RALYL: variants seen among roughly 807,000 people sequenced by gnomAD.
RALYL encodes the protein RALY RNA binding protein like, also known as RNA-binding Raly-like protein.
RALYL carries 29 observed loss-of-function variants against 35.1 expected under a neutral mutation model. The observed-to-expected ratio is 0.83, with a 90% CI of 0.61 to 1.13. The LOEUF (loss-of-function observed/expected upper bound fraction) is 1.13, where lower values mean the gene tolerates loss of function less well. RALYL is among the 50% of genes most tolerant of loss of function. The pLI, the probability that RALYL is intolerant of heterozygous loss-of-function variation, is 0.00. For synonymous variants in RALYL, 120 were observed against 127.6 expected (o/e 0.94, Z 0.40); for missense variants, 359 against 360.4 (o/e 1.00, Z 0.03).
At chr8:84,490,654 AT>A (rs1167481098) in intron 1 of RALYL, among the ~76,000 whole-genome samples, 1 of 151,756 alleles carries the variant, frequency 6.6e-6, no homozygotes, top group African/African-American at 2.4e-5. Context: ...GGAAGTGGGC[AT>A]TTCCAAGAAT....
chr8:84,220,043 TTC>T (rs1182215757), intron 1 of RALYL, among the ~76,000 whole-genome samples: 2 of 152,060 alleles, frequency 1.3e-5, no homozygotes, highest in African/African-American at 4.8e-5. Flanking sequence ...TCAATGAATG[TTC>T]TACTAGGGTA....
intron 1 of RALYL, among the ~76,000 whole-genome samples, chr8:84,455,548 T>C (rs1293062942): frequency 1.3e-5 from 2 of 152,062 alleles, no homozygotes; most frequent in African/African-American, 4.8e-5. Context: ...GGATTCTGTT[T>C]TCTTCATATC....
At chr8:84,712,626 T>C (rs901918845) in intron 2 of RALYL, among the ~76,000 whole-genome samples, 13 of 152,268 alleles carry the variant, frequency 8.5e-5, no homozygotes, top group Middle Eastern at 6.8e-3. Flanking sequence ...TCTTTTAATT[T>C]CTCTTCTAAG....
chr8:84,266,861 G>C (rs955347187), intron 1 of RALYL, among the ~76,000 whole-genome samples: 2 of 151,296 alleles, frequency 1.3e-5, no homozygotes. Flanking sequence ...TCGGGAGGCT[G>C]AGGCAGGAGA....
intron 1 of RALYL, among the ~76,000 whole-genome samples, chr8:84,362,041 T>C (rs547070813): frequency 1.3e-5 from 2 of 151,944 alleles, no homozygotes; most frequent in African/African-American, 4.8e-5. Flanking sequence ...CTGTACCTGA[T>C]ATGCAGTAGA....
intron 1 of RALYL, among the ~76,000 whole-genome samples, chr8:84,458,179 T>C (rs1285900981): frequency 1.3e-5 from 2 of 151,890 alleles, no homozygotes; most frequent in Non-Finnish European, 2.9e-5. Context: ...CAACTTCATC[T>C]GTACTTTGCT....
chr8:84,789,762 G>C (rs1384415216), intron 3 of RALYL, among the ~76,000 whole-genome samples: 2 of 152,154 alleles, frequency 1.3e-5, no homozygotes, highest in Non-Finnish European at 2.9e-5. Context: ...GAAGGCTGAG[G>C]TGGGAGGATC....
At chr8:84,649,078 A>C (rs1828121803) in intron 2 of RALYL, among the ~76,000 whole-genome samples, 1 of 152,034 alleles carries the variant, frequency 6.6e-6, no homozygotes, top group African/African-American at 2.4e-5. Flanking sequence ...ATTTTTATAA[A>C]AAGCTTATTA....
intron 1 of RALYL, among the ~76,000 whole-genome samples, chr8:84,424,030 G>C (rs1222227621): frequency 6.6e-6 from 1 of 151,740 alleles, no homozygotes; most frequent in Non-Finnish European, 1.5e-5. Context: ...TATGTGTCTT[G>C]GAGTTGCTCT....
intron 2 of RALYL, among the ~76,000 whole-genome samples, chr8:84,599,810 C>G (rs1363300095): frequency 6.6e-6 from 1 of 151,700 alleles, no homozygotes; most frequent in Non-Finnish European, 1.5e-5. Flanking sequence ...TAGCTATACA[C>G]TTTTTAGATC....
intron 1 of RALYL, among the ~76,000 whole-genome samples, chr8:84,206,683 A>G (rs56214815): frequency 0.032 from 4,928 of 152,270 alleles, 128 homozygotes; most frequent in Middle Eastern, 0.061. Flanking sequence ...GATAGTTGAA[A>G]TGAAAATGGA....
At chr8:84,673,188 T>C (rs1301718915) in intron 2 of RALYL, among the ~76,000 whole-genome samples, 1 of 152,184 alleles carries the variant, frequency 6.6e-6, no homozygotes, top group Non-Finnish European at 1.5e-5. Flanking sequence ...AAATGTCTGT[T>C]CATGTTATTT....
chr8:84,879,560 A>G (rs1841815985), intron 7 of RALYL, among the ~76,000 whole-genome samples: 1 of 152,090 alleles, frequency 6.6e-6, no homozygotes, highest in Non-Finnish European at 1.5e-5. Flanking sequence ...CAGATAGTGC[A>G]TAAAACTGAT....
intron 2 of RALYL, among the ~76,000 whole-genome samples, chr8:84,701,844 T>A (rs1433032859): frequency 2.0e-5 from 3 of 152,174 alleles, no homozygotes; most frequent in Admixed American, 2.0e-4. Context: ...TGTGGAAACA[T>A]GTCCCTTGTG....
chr8:84,443,062 A>C (rs1035325034), intron 1 of RALYL, among the ~76,000 whole-genome samples: 1 of 152,136 alleles, frequency 6.6e-6, no homozygotes, highest in Non-Finnish European at 1.5e-5. Flanking sequence ...GCCACATTGT[A>C]AGGACTTAGT....
intron 1 of RALYL, among the ~76,000 whole-genome samples, chr8:84,285,823 CAGTAGTGAGGA>C (rs1837493963): frequency 6.6e-6 from 1 of 152,062 alleles, no homozygotes; most frequent in African/African-American, 2.4e-5. Flanking sequence ...AAATTGTAGT[CAGTAGTGAGGA>C]CTTTGCCTTT....
chr8:84,239,010 C>T (rs926722322), intron 1 of RALYL, among the ~76,000 whole-genome samples: 1 of 152,138 alleles, frequency 6.6e-6, no homozygotes, highest in Non-Finnish European at 1.5e-5. Flanking sequence ...GTAAAGACAT[C>T]TTATACCATG....
At chr8:84,878,732 T>C (rs1841654430) in intron 7 of RALYL, among the ~76,000 whole-genome samples, 1 of 122,194 alleles carries the variant, frequency 8.2e-6, no homozygotes, top group Non-Finnish European at 1.6e-5. Flanking sequence ...ATAGCACAAA[T>C]AAATAACTCA....
At chr8:84,358,062 C>T (rs1223210874) in intron 1 of RALYL, among the ~76,000 whole-genome samples, 3 of 151,806 alleles carry the variant, frequency 2.0e-5, no homozygotes, top group African/African-American at 4.8e-5. Flanking sequence ...GCCATTCATA[C>T]TGCTTTCTGC....
Sources: gnomAD v4.1 joint callset for allele counts (sites outside exome capture counted in the v4.1 genomes callset) on GRCh38, gnomAD v4.1.1 for gene constraint, MANE v1.5 for transcripts, NCBI Gene and HGNC (gene_info 2026-07-23, HGNC 2026-07-21) for gene names.